The following NR4A3 variants were observed in gnomAD, a reference collection of about 807,000 sequenced individuals.
The protein encoded by NR4A3 is nuclear receptor subfamily 4 group A member 3, also known as chondrosarcoma, extraskeletal myxoid, fused to EWS.
Under a neutral mutation model 55.6 loss-of-function variants are expected in NR4A3, and 13 were observed. That is an observed-to-expected ratio of 0.23 (90% CI 0.15 to 0.37). The LOEUF (loss-of-function observed/expected upper bound fraction) is 0.37, where lower values mean the gene tolerates loss of function less well. Among genes scored for constraint, NR4A3 ranks in the 10% least tolerant of loss-of-function variants. The pLI, the probability that NR4A3 is intolerant of heterozygous loss-of-function variation, is 1.00. For missense variants in NR4A3, 646 were observed against 822.8 expected (o/e 0.79, Z 2.63); for synonymous variants, 342 against 357.9 (o/e 0.96, Z 0.50).
chr9:99,863,129 G>C lies in NR4A3; in HGVS notation c.1634-491G>C, dbSNP rs1828036892. Among the ~76,000 whole-genome samples, 4 of 152,206 alleles carry C rather than the reference G, an allele frequency of 2.6e-5. No homozygotes were observed. The South Asian group carries it at 8.3e-4, about 31-fold the overall frequency. On this transcript the variant is annotated intron_variant, in intron 7 of 7. Transcript: ENST00000395097. Reference sequence around the variant, plus strand: ...CAGCCTCCCCACCTCCCTTAAATGAGTCTGTCAAGATAGAAACATTAATTC... The same window carrying C: ...CAGCCTCCCCACCTCCCTTAAATGACTCTGTCAAGATAGAAACATTAATTC...
At chr9:99,826,569 G>A (rs537793816) in intron 2 of NR4A3, among the ~76,000 whole-genome samples, 1 of 152,246 alleles carries the variant, frequency 6.6e-6, no homozygotes, top group Non-Finnish European at 1.5e-5. Flanking sequence ...TCAAAGATCA[G>A]GCAGTGTTCT....
intron 7 of NR4A3, among the ~76,000 whole-genome samples, chr9:99,852,443 G>A (rs1056612975): frequency 1.3e-5 from 2 of 152,172 alleles, no homozygotes; most frequent in Non-Finnish European, 2.9e-5. Context: ...ATGATGTCTT[G>A]TGCTTTTGGG....
chr9:99,861,567 T>C (rs1828009876), intron 7 of NR4A3, among the ~76,000 whole-genome samples: 1 of 151,962 alleles, frequency 6.6e-6, no homozygotes, highest in African/African-American at 2.4e-5. Context: ...CATCAGAGCT[T>C]TGGGACCTTA....
chr9:99,841,220 ACT>A (rs1366001746), intron 5 of NR4A3, among the ~76,000 whole-genome samples: 1 of 138,284 alleles, frequency 7.2e-6, no homozygotes, highest in Non-Finnish European at 1.5e-5. Context: ...ACAGAGCAAG[ACT>A]CTGTCTCCGA....
chr9:99,860,206 T>C (rs576848124), intron 7 of NR4A3, among the ~76,000 whole-genome samples: 2 of 136,488 alleles, frequency 1.5e-5, no homozygotes, highest in East Asian at 2.1e-4. Context: ...TTATTTAATG[T>C]TGTAAACGTT....
intron 5 of NR4A3, among the ~76,000 whole-genome samples, chr9:99,839,117 G>A (rs1016108445): frequency 6.6e-6 from 1 of 152,210 alleles, no homozygotes; most frequent in East Asian, 1.9e-4. Flanking sequence ...CAATTGCAGT[G>A]ATGTCATTGG....
intron 3 of NR4A3, among the ~76,000 whole-genome samples, chr9:99,832,282 T>C (rs150379309): frequency 6.6e-6 from 1 of 152,306 alleles, no homozygotes; most frequent in Non-Finnish European, 1.5e-5. Flanking sequence ...ACAATAGTGA[T>C]AGCAAACAAA....
intron 3 of NR4A3, among the ~76,000 whole-genome samples, chr9:99,829,890 G>T (rs891266139): frequency 6.6e-6 from 1 of 152,190 alleles, no homozygotes; most frequent in Non-Finnish European, 1.5e-5. Flanking sequence ...CCTTATGCAG[G>T]CTGTAAGCAG....
At chr9:99,841,254 G>A (rs979639962) in intron 5 of NR4A3, among the ~76,000 whole-genome samples, 1 of 150,464 alleles carries the variant, frequency 6.6e-6, no homozygotes, top group Non-Finnish European at 1.5e-5. Flanking sequence ...AAAAGGAGGA[G>A]GTAGTGGCAA....
At chr9:99,829,597 C>A (rs891989676) in intron 3 of NR4A3, among the ~76,000 whole-genome samples, 1 of 152,174 alleles carries the variant, frequency 6.6e-6, no homozygotes, top group East Asian at 1.9e-4. Flanking sequence ...TGCCAACCCA[C>A]GTTTGCGTGA....
chr9:99,850,376 T>C (rs1030496490), intron 7 of NR4A3, among the ~76,000 whole-genome samples: 16 of 152,228 alleles, frequency 1.1e-4, no homozygotes, highest in Non-Finnish European at 2.1e-4. Flanking sequence ...TTTCACTCTT[T>C]AAATGGAAAT....
At position 99,825,410 on chromosome 9, in the gene NR4A3, CA is replaced by C. The variant is rs1827276074; in HGVS notation, c.-176-245del. Among the ~76,000 whole-genome samples the C allele has an allele frequency of 6.6e-6, 1 of 152,112 alleles. No individual in the cohort carries two copies. The highest frequency in any genetic ancestry group is 2.1e-4 in the South Asian group (1 of 4,832). ...TTTTTTAGCCTCGGTTTTGGTGCCA[CA>C]AAACGGTGGTAGGCGCAGTGGGTTC... On this transcript the variant is annotated intron_variant, in intron 1 of 7. Transcript: ENST00000395097. This position sits in a 1 kb window ranked among gnomAD's most constrained non-coding sequence, Gnocchi z 5.0.
At chr9:99,833,149 T>A in intron 4 of NR4A3, 133 bp from the exon 5 acceptor site, 1 of 1,194,208 alleles carries the variant, frequency 8.4e-7, no homozygotes, top group Non-Finnish European at 1.1e-6. Context: ...TATTCCAAAC[T>A]TATTACCACT....
At position 99,844,722 on chromosome 9, in the gene NR4A3, C is replaced by T. The variant is rs754707037; in HGVS notation, c.1328C>T (p.Ala443Val). Residue 443 changes from alanine (A) to valine (V), a missense_variant, in exon 6 of 8, where the codon GCC (alanine) becomes GTC (valine). Physicochemically the swap from Ala to Val is moderately conservative, Grantham distance 64. Around this residue, in one of 5 missense-constraint regions of NR4A3, gnomAD observed 163 missense variants for 233.0 expected, o/e 0.70. Transcript: ENST00000395097. ...CAACAATTCTACAACCTCCTGACAGCCTCCATTGATGTATCCAGAAGCTGG... is the reference window on the plus strand; with the variant it reads ...CAACAATTCTACAACCTCCTGACAGTCTCCATTGATGTATCCAGAAGCTGG... ...HVQQFYNLLT[A>V]SIDVSRSWAE... 6.2e-7 allele frequency: 1 copy of T among 1,614,152 alleles called. No homozygotes were observed. Among genetic ancestry groups the T allele is most frequent in the Non-Finnish European group, 8.5e-7 (1 of 1,180,006 alleles).
intron 2 of NR4A3, chr9:99,826,827 G>A: frequency 1.2e-6 from 2 of 1,601,250 alleles, no homozygotes; most frequent in Admixed American, 1.7e-5. Context: ...CAAAGGAAAT[G>A]TGAAGTATTC....
At chr9:99,852,932 T>C (rs12344655) in intron 7 of NR4A3, among the ~76,000 whole-genome samples, 9,032 of 152,208 alleles carry the variant, frequency 0.059, 887 homozygotes, top group African/African-American at 0.2. Context: ...TCAGCTACAT[T>C]GCAAGGAAAA....
At chr9:99,833,579 T>C in intron 5 of NR4A3, 125 bp downstream of exon 5, 2 of 1,606,302 alleles carry the variant, frequency 1.2e-6, no homozygotes, top group Non-Finnish European at 1.7e-6. Context: ...ATACTTTTTC[T>C]ATATTTCTCG....
At chr9:99,829,036 A>C (rs755264801) in intron 3 of NR4A3, 43 bp downstream of exon 3, 1 of 1,302,974 alleles carries the variant, frequency 7.7e-7, no homozygotes, top group South Asian at 2.1e-5. Context: ...CAGCCCCCTC[A>C]CTGAAGGGAG....
At chr9:99,849,206 A>T (rs1016556315) in intron 7 of NR4A3, among the ~76,000 whole-genome samples, 16 of 152,188 alleles carry the variant, frequency 1.1e-4, no homozygotes, top group Admixed American at 5.9e-4. Flanking sequence ...GTGCCTTAAG[A>T]GGCTAGGCTG....
Sources: gnomAD v4.1 joint callset for allele counts (sites outside exome capture counted in the v4.1 genomes callset) on GRCh38, gnomAD v4.1.1 for gene constraint, gnomAD v4.1.1 regional missense constraint, Gnocchi (gnomAD v3.1) non-coding constraint, MANE v1.5 for transcripts, NCBI Gene and HGNC (gene_info 2026-07-23, HGNC 2026-07-21) for gene names.